MTURN: variants seen among roughly 807,000 people sequenced by gnomAD.
MTURN encodes maturin, neural progenitor differentiation regulator homolog, also known as maturin.
A neutral mutation model predicts 14.9 loss-of-function variants in MTURN; 7 were observed. That is an observed-to-expected ratio of 0.47 (90% CI 0.27 to 0.88). MTURN has a LOEUF of 0.88. MTURN is among the 40% of genes least tolerant of loss of function. The pLI, the probability that MTURN is intolerant of heterozygous loss-of-function variation, is 0.14. For synonymous variants in MTURN, 69 were observed against 72.5 expected (o/e 0.95, Z 0.25); for missense variants, 151 against 174.1 (o/e 0.87, Z 0.75).
intron 2 of MTURN, 127 bp from the exon 3 acceptor site, chr7:30,157,311 G>A (rs1797302135): frequency 6.5e-6 from 4 of 613,446 alleles, no homozygotes; most frequent in Non-Finnish European, 7.9e-6. Flanking sequence ...TGTAGGGGTG[G>A]TTGACGGGGA....
intron 1 of MTURN, among the ~76,000 whole-genome samples, chr7:30,144,831 A>G (rs1310784202): frequency 6.6e-6 from 1 of 151,382 alleles, no homozygotes; most frequent in Non-Finnish European, 1.5e-5. Context: ...TGTGCTTGGC[A>G]TGGACCATGT....
At chr7:30,144,132 A>T (rs1017276341) in intron 1 of MTURN, among the ~76,000 whole-genome samples, 1 of 152,232 alleles carries the variant, frequency 6.6e-6, no homozygotes, top group Non-Finnish European at 1.5e-5. Context: ...GGGGGAAAGA[A>T]GGTACTTAAG....
At chr7:30,141,741 T>C (rs938643915) in intron 1 of MTURN, among the ~76,000 whole-genome samples, 22 of 152,146 alleles carry the variant, frequency 1.4e-4, no homozygotes, top group Admixed American at 1.4e-3. Flanking sequence ...CCAGGTGGTC[T>C]TGAACTCCTG....
intron 1 of MTURN, among the ~76,000 whole-genome samples, chr7:30,145,650 T>C (rs936318698): frequency 2.6e-5 from 4 of 152,336 alleles, no homozygotes; most frequent in South Asian, 4.1e-4. Flanking sequence ...TAGTGGTGAC[T>C]TGGTGGGTTC....
chr7:30,135,324 G>A (rs773659707), intron 1 of MTURN, 26 bp downstream of exon 1: 4 of 1,486,480 alleles, frequency 2.7e-6, no homozygotes, highest in African/African-American at 1.5e-5. Flanking sequence ...AGGGACCGCC[G>A]GAGCCGGCGG....
At chr7:30,150,526 A>G (rs1360277938) in intron 2 of MTURN, among the ~76,000 whole-genome samples, 2 of 152,192 alleles carry the variant, frequency 1.3e-5, no homozygotes, top group African/African-American at 2.4e-5. Flanking sequence ...AGGGTTATGG[A>G]TGATTTTTTA....
In MTURN at chr7:30,160,396, A is replaced by G. The variant is rs1797351607; in HGVS notation, c.*2848A>G. 6.6e-6 allele frequency: 1 copy of G among 152,250 alleles called. No homozygotes were observed. Among genetic ancestry groups the G allele is most frequent in the African/African-American group, 2.4e-5 (1 of 41,436 alleles). 9.4% of individuals were successfully genotyped at this position (152,250 alleles called of 1,614,324 possible). On this transcript the variant is annotated 3_prime_UTR_variant, in exon 3 of 3. Coordinates refer to ENST00000324453, the MANE Select transcript of MTURN (RefSeq NM_152793.3). ...CTGTACATGCTCTGCCTGTGGAGAC[A>G]TGGCTTTTCTTTGTGCTGTGGCAGA...
chr7:30,145,019 T>C (rs1370602521), intron 1 of MTURN, among the ~76,000 whole-genome samples: 1 of 146,070 alleles, frequency 6.8e-6, no homozygotes, highest in Non-Finnish European at 1.5e-5. Context: ...ACAGATACTC[T>C]GATGTTACCC....
At chr7:30,137,017 C>T (rs1037668335) in intron 1 of MTURN, among the ~76,000 whole-genome samples, 7 of 151,154 alleles carry the variant, frequency 4.6e-5, no homozygotes, top group African/African-American at 1.7e-4. Flanking sequence ...ATATTAATGC[C>T]TGTAAGCCCA....
intron 2 of MTURN, among the ~76,000 whole-genome samples, chr7:30,156,836 C>A (rs1346541824): frequency 7.1e-6 from 1 of 140,270 alleles, no homozygotes; most frequent in East Asian, 1.9e-4. Flanking sequence ...AAAAAAAAAA[C>A]TCTGTCATAA....
At chr7:30,137,835 C>G (rs145664831) in intron 1 of MTURN, 1 of 353,264 alleles carries the variant, frequency 2.8e-6, no homozygotes, top group East Asian at 7.5e-5. Flanking sequence ...ATAAGAATGT[C>G]TACATGAGCA....
intron 1 of MTURN, among the ~76,000 whole-genome samples, chr7:30,144,928 CTTTTT>C (rs11411711): frequency 5.4e-5 from 4 of 73,976 alleles, no homozygotes; most frequent in African/African-American, 1.7e-4. Flanking sequence ...GACCTCAATA[CTTTTT>C]TTTTTTTTTT....
intron 2 of MTURN, among the ~76,000 whole-genome samples, chr7:30,155,429 C>T (rs1797272328): frequency 6.6e-6 from 1 of 152,220 alleles, no homozygotes; most frequent in South Asian, 2.1e-4. Context: ...GTGTAGTCAT[C>T]GACGTGCCTT....
At position 30,160,619 on chromosome 7, in the gene MTURN, G is replaced by A. The variant is rs1302039871; in HGVS notation, c.*3071G>A. On this transcript the variant is annotated 3_prime_UTR_variant, in exon 3 of 3. Transcript: ENST00000324453. ...GAGAGAGAAAGAAAGAGAAAGGAAT[G>A]CTTGATTGCTTGTTGTTCACTGGGC... The A allele has an allele frequency of 1.3e-5, 2 of 151,924 alleles. No individual in the cohort carries two copies. The highest frequency in any genetic ancestry group is 6.6e-5 in the Admixed American group (1 of 15,256). The allele number at this position is 151,924 out of a possible 1,614,324, so 9.4% of individuals were successfully genotyped here.
At chr7:30,143,284 G>C (rs903423280) in intron 1 of MTURN, among the ~76,000 whole-genome samples, 1 of 151,672 alleles carries the variant, frequency 6.6e-6, no homozygotes, top group Non-Finnish European at 1.5e-5. Context: ...TCTGTAGTAA[G>C]TAGCCAGGCC....
chr7:30,141,870 C>T lies in MTURN; in HGVS notation c.163-4307C>T, dbSNP rs141785236. ...CACACCAATTCAAAATGGACTCCCT[C>T]GGTACCGAGTGGCAGAAAACCCCCA... is the stretch of plus-strand genomic sequence containing the variant. On this transcript the variant is annotated intron_variant, in intron 1 of 2. Coordinates refer to ENST00000324453, the MANE Select transcript of MTURN (RefSeq NM_152793.3). Among the ~76,000 whole-genome samples, 6 of 152,228 alleles carry T rather than the reference C, an allele frequency of 3.9e-5. No homozygotes were observed. The East Asian group carries it at 7.7e-4, about 20-fold the overall frequency.
At chr7:30,139,040 TGC>T (rs1797009526) in intron 1 of MTURN, among the ~76,000 whole-genome samples, 1 of 152,214 alleles carries the variant, frequency 6.6e-6, no homozygotes, top group East Asian at 1.9e-4. Flanking sequence ...TTTGGTTTTC[TGC>T]CACTGCCACT....
At chr7:30,143,807 TA>T (rs1398747137) in intron 1 of MTURN, among the ~76,000 whole-genome samples, 3 of 152,252 alleles carry the variant, frequency 2.0e-5, no homozygotes, top group Admixed American at 2.0e-4. Flanking sequence ...AACACTTAGC[TA>T]AATATACTGT....
chr7:30,149,557 C>T (rs1242345825), intron 2 of MTURN, among the ~76,000 whole-genome samples: 3 of 152,198 alleles, frequency 2.0e-5, no homozygotes, highest in Admixed American at 6.5e-5. Flanking sequence ...TAAAGGACCA[C>T]AGAGATCCCT....
Sources: allele counts gnomAD v4.1 joint callset (sites outside exome capture counted in the v4.1 genomes callset), GRCh38; gene constraint gnomAD v4.1.1; transcripts MANE v1.5; gene names NCBI Gene and HGNC (gene_info 2026-07-23, HGNC 2026-07-21).